Variants in USH2A observed in about 807,000 individuals in gnomAD.
USH2A encodes the protein usherin.
In USH2A, 443 loss-of-function variants were observed where a neutral mutation model predicts 538.9. That is an observed-to-expected ratio of 0.82 (90% CI 0.76 to 0.89). The LOEUF (loss-of-function observed/expected upper bound fraction) is 0.89. Among genes scored for constraint, USH2A ranks in the 40% least tolerant of loss-of-function variants. The pLI is 0.00. For synonymous variants in USH2A, 2,413 were observed against 2,273.5 expected, an observed-to-expected ratio of 1.06 and a Z score of -1.75; for missense variants, 6,633 against 6,324.8, an observed-to-expected ratio of 1.05 and a Z score of -1.65.
chr1:216,179,863 C>T (rs886251183), intron 20 of USH2A, among the ~76,000 whole-genome samples: 2 of 151,942 alleles, frequency 1.3e-5, no homozygotes, highest in African/African-American at 4.8e-5. Context: ...TGTTAATTTA[C>T]AAAACAGTTC....
rs550539764 is a variant in USH2A at position 216,010,869 on chromosome 1, T to C, written c.6326-10307A>G. On this transcript the variant is annotated intron_variant, in intron 32 of 71. Transcript: ENST00000307340. The stretch of plus-strand genomic sequence containing the variant: ...CCAAAGCCTCCTTTGCGTCCTCCTC[T>C]TGTATCCCCCGACCTTAACCCACAA... Among the ~76,000 whole-genome samples the C allele has an allele frequency of 1.9e-3, 284 of 151,936 alleles. 3 individuals are homozygous for C. Among genetic ancestry groups the C allele is most frequent in the Admixed American group, 0.017 (261 of 15,266 alleles).
At chr1:215,883,398 T>C (rs1013381034) in intron 41 of USH2A, among the ~76,000 whole-genome samples, 4 of 151,968 alleles carry the variant, frequency 2.6e-5, no homozygotes, top group Non-Finnish European at 5.9e-5. Context: ...CCTTAGAAAA[T>C]CAATCAGATT....
chr1:216,139,401 TC>T (rs1435353123), intron 21 of USH2A, among the ~76,000 whole-genome samples: 1 of 151,618 alleles, frequency 6.6e-6, no homozygotes, highest in Non-Finnish European at 1.5e-5. Context: ...GTTGAATTTT[TC>T]TTCCCCTCTA....
chr1:216,120,123 G>A (rs1419704815), intron 21 of USH2A, among the ~76,000 whole-genome samples: 1 of 149,010 alleles, frequency 6.7e-6, no homozygotes, highest in African/African-American at 2.5e-5. Flanking sequence ...AGTTTTGTTT[G>A]AGATACTATT....
intron 15 of USH2A, among the ~76,000 whole-genome samples, chr1:216,210,905 C>T (rs1277954031): frequency 6.7e-6 from 1 of 149,002 alleles, no homozygotes; most frequent in African/African-American, 2.5e-5. Flanking sequence ...CGTTTGAACC[C>T]GGGAGTCGGA....
At chr1:215,858,436 G>A (rs1467883231) in intron 44 of USH2A, among the ~76,000 whole-genome samples, 1 of 150,552 alleles carries the variant, frequency 6.6e-6, no homozygotes, top group Non-Finnish European at 1.5e-5. Context: ...GTTCTCGCAA[G>A]ATCTGATGGT....
chr1:216,137,814 C>T (rs1277497038), intron 21 of USH2A, among the ~76,000 whole-genome samples: 1 of 152,086 alleles, frequency 6.6e-6, no homozygotes, highest in Non-Finnish European at 1.5e-5. Flanking sequence ...TACTTTGTAT[C>T]CTTAAATCCA....
At chr1:216,134,447 A>T (rs2033439841) in intron 21 of USH2A, among the ~76,000 whole-genome samples, 1 of 152,118 alleles carries the variant, frequency 6.6e-6, no homozygotes, top group Non-Finnish European at 1.5e-5. Context: ...AGAATAAGGG[A>T]TGTCATCTTA....
At chr1:216,377,808 AAAG>A (rs1164723540) in intron 3 of USH2A, among the ~76,000 whole-genome samples, 6 of 6,094 alleles carry the variant, frequency 9.8e-4, no homozygotes, top group Non-Finnish European at 1.4e-3. Context: ...AAAGAAATAA[AAAG>A]AAAGAAAGAA....
chr1:215,815,122 T>C (rs938550062), intron 48 of USH2A, among the ~76,000 whole-genome samples: 1 of 152,034 alleles, frequency 6.6e-6, no homozygotes, highest in Non-Finnish European at 1.5e-5. Flanking sequence ...TTTACAATTT[T>C]TTTTTTGAAA....
chr1:216,210,919 T>C (rs1281826507), intron 15 of USH2A, among the ~76,000 whole-genome samples: 2 of 149,236 alleles, frequency 1.3e-5, no homozygotes, highest in Non-Finnish European at 3.0e-5. Context: ...AGTCGGAAGT[T>C]GCAGTGAGCC....
chr1:216,214,436 A>G (rs1458900958), intron 15 of USH2A, among the ~76,000 whole-genome samples: 2 of 151,810 alleles, frequency 1.3e-5, no homozygotes, highest in Non-Finnish European at 2.9e-5. Flanking sequence ...ACAAAAGCCT[A>G]TACATTGCAA....
chr1:215,628,173 A>G (rs933211168), intron 71 of USH2A, among the ~76,000 whole-genome samples: 1 of 152,204 alleles, frequency 6.6e-6, no homozygotes. Flanking sequence ...AAACAAAAAA[A>G]GTACCTTTTT....
At chr1:215,863,221 A>G (rs17025504) in intron 44 of USH2A, among the ~76,000 whole-genome samples, 5,075 of 152,220 alleles carry the variant, frequency 0.033, 147 homozygotes, top group East Asian at 0.14. Flanking sequence ...GACTTTAAGA[A>G]AACCATGTAG....
intron 40 of USH2A, among the ~76,000 whole-genome samples, chr1:215,895,442 G>C (rs531396551): frequency 1.3e-5 from 2 of 152,258 alleles, no homozygotes; most frequent in East Asian, 1.9e-4. Context: ...ACTTGAGCTG[G>C]GGCTTGATGA....
chr1:216,314,036 A>G (rs993484769), intron 9 of USH2A, among the ~76,000 whole-genome samples: 1 of 152,152 alleles, frequency 6.6e-6, no homozygotes. Context: ...ATACCTATGT[A>G]TGCATTTACT....
At chr1:216,352,132 A>T (rs1267328211) in intron 4 of USH2A, among the ~76,000 whole-genome samples, 2 of 152,096 alleles carry the variant, frequency 1.3e-5, no homozygotes, top group Non-Finnish European at 2.9e-5. Context: ...GGAGATTTAT[A>T]TTTGGAGGTC....
chr1:216,321,896 G>C lies in USH2A; in HGVS notation c.1631C>G (p.Thr544Ser), dbSNP rs1462954723. Residue 544 changes from threonine (T) to serine (S), a missense_variant, in exon 9 of 72, where the codon ACT becomes AGT. Coordinates refer to ENST00000307340, the MANE Select transcript of USH2A (RefSeq NM_206933.4). ...AATAGAACTCACATGAAGTCCTTCA[G>C]TGAAGCTCTCCTGGGAGCAGAGGCA... is the stretch of plus-strand genomic sequence containing the variant. The part of the protein sequence containing the change: ...YRCLCSQESF[T>S]EGLHCDRCLP... The C allele has an allele frequency of 6.2e-7, 1 of 1,613,550 alleles. No homozygotes were observed. Among genetic ancestry groups the C allele is most frequent in the Non-Finnish European group, 8.5e-7 (1 of 1,179,770 alleles).
chr1:216,362,903 C>T (rs1028662842), intron 4 of USH2A, among the ~76,000 whole-genome samples: 3 of 150,456 alleles, frequency 2.0e-5, no homozygotes, highest in South Asian at 4.2e-4. Flanking sequence ...TGCACCACTG[C>T]ACTCCAGCCT....
Sources: gnomAD v4.1 joint callset for allele counts (sites outside exome capture counted in the v4.1 genomes callset) on GRCh38, gnomAD v4.1.1 for gene constraint, MANE v1.5 for transcripts, NCBI Gene and HGNC (gene_info 2026-07-23, HGNC 2026-07-21) for gene names.